The following MAP4K5 variants were observed in gnomAD, a reference collection of about 807,000 sequenced individuals.
MAP4K5 encodes mitogen-activated protein kinase kinase kinase kinase 5.
In MAP4K5, 82 loss-of-function variants were observed where a neutral mutation model predicts 135.6. The ratio of observed to expected loss-of-function variants is 0.60; its 90% CI spans 0.51 to 0.73. The LOEUF (loss-of-function observed/expected upper bound fraction) is 0.73, where lower values mean the gene tolerates loss of function less well. MAP4K5 is among the 30% of genes least tolerant of loss of function. The probability of loss-of-function intolerance (pLI) is 0.00; values close to 1 mark genes in which losing one functional copy is unlikely to be tolerated. For synonymous variants in MAP4K5, 347 were observed against 335.0 expected, an observed-to-expected ratio of 1.04 and a Z score of -0.39; for missense variants, 907 against 1,010.9, an observed-to-expected ratio of 0.90 and a Z score of 1.39.
intron 1 of MAP4K5, among the ~76,000 whole-genome samples, chr14:50,553,408 C>T (rs2038726874): frequency 6.6e-6 from 1 of 151,778 alleles, no homozygotes; most frequent in South Asian, 2.1e-4. Flanking sequence ...GAGATACAAC[C>T]TCATTCCTGC....
intron 20 of MAP4K5, 82 bp downstream of exon 20, chr14:50,443,647 C>A: frequency 8.7e-7 from 1 of 1,151,220 alleles, no homozygotes; most frequent in South Asian, 1.9e-5. Context: ...CTTTCAAAGG[C>A]TCAAGTATAT....
chr14:50,424,107 C>T (rs887736755), intron 31 of MAP4K5, among the ~76,000 whole-genome samples: 3 of 150,906 alleles, frequency 2.0e-5, no homozygotes, highest in Non-Finnish European at 4.4e-5. Context: ...TATTTGAGTC[C>T]TTGTCTTAGG....
intron 29 of MAP4K5, 97 bp downstream of exon 29, chr14:50,429,095 A>C: frequency 1.4e-6 from 1 of 725,738 alleles, no homozygotes; most frequent in Non-Finnish European, 2.2e-6. Context: ...TAACATTTTT[A>C]GTAAAAACAG....
intron 2 of MAP4K5, among the ~76,000 whole-genome samples, chr14:50,510,707 G>A (rs979550900): frequency 6.6e-6 from 1 of 152,052 alleles, no homozygotes; most frequent in Non-Finnish European, 1.5e-5. Flanking sequence ...TACTACAAAA[G>A]TAAGATTTTG....
At chr14:50,525,261 G>T (rs1251352461) in intron 2 of MAP4K5, among the ~76,000 whole-genome samples, 2 of 152,098 alleles carry the variant, frequency 1.3e-5, no homozygotes, top group Non-Finnish European at 2.9e-5. Flanking sequence ...CACATATTTG[G>T]TATTTCCTAA....
chr14:50,462,261 C>T (rs1304306619), intron 13 of MAP4K5, among the ~76,000 whole-genome samples: 1 of 152,058 alleles, frequency 6.6e-6, no homozygotes, highest in Non-Finnish European at 1.5e-5. Context: ...ATATATATCC[C>T]ACAGAATGAT....
At chr14:50,468,615 G>A (rs750686591) in intron 10 of MAP4K5, 36 bp downstream of exon 10, 40 of 1,603,122 alleles carry the variant, frequency 2.5e-5, no homozygotes, top group Middle Eastern at 3.3e-4. Context: ...CCATAGACTT[G>A]ATCAATAACT....
chr14:50,486,342 T>C (rs1241177600), intron 3 of MAP4K5, 148 bp from the exon 4 acceptor site: 6 of 480,438 alleles, frequency 1.2e-5, no homozygotes, highest in Admixed American at 4.4e-5. Context: ...AATCTTTCTA[T>C]AAAGTCAGAA....
Position 50,486,203 on chromosome 14 carries a change from C to A in MAP4K5, c.167-9G>T. On this transcript the variant is annotated splice_polypyrimidine_tract_variant and intron_variant, in intron 3 of 32. Transcript: ENST00000682126. ...CAAAGAAAAATCATCTCCTGGAAAA[C>A]AAAATAAGTTGTTTATCATGTTACT... 4 of 940,970 alleles carry A rather than the reference C, an allele frequency of 4.3e-6. No individual in the cohort carries two copies. Among genetic ancestry groups the A allele is most frequent in the East Asian group, 2.9e-5 (1 of 35,038 alleles). The allele number at this position is 940,970 out of a possible 1,614,324, so 58.3% of individuals were successfully genotyped here.
intron 14 of MAP4K5, among the ~76,000 whole-genome samples, chr14:50,454,738 T>C (rs1256086252): frequency 6.6e-6 from 1 of 152,044 alleles, no homozygotes; most frequent in Non-Finnish European, 1.5e-5. Flanking sequence ...GAAGACTGAA[T>C]ATCATAAATA....
Position 50,423,161 on chromosome 14 carries a change from A to C in MAP4K5, c.2413T>G (p.Ser805Ala). 1.3e-6 allele frequency: 2 copies of C among 1,565,784 alleles called. No homozygotes were observed. Among genetic ancestry groups the C allele is most frequent in the Non-Finnish European group, 8.8e-7 (1 of 1,141,082 alleles). The change falls in exon 32 of 33, where the codon TCA becomes GCA. Residue 805 changes from serine (S) to alanine (A), a missense_variant. Transcript: ENST00000682126. ...AAGCGGAAAACTCTTGTTTCATCTG[A>C]AATCTCCTGGGTAACCTAGGAAAGA... ...FKSDEVTQEI[S>A]DETRVFRLLG...
chr14:50,426,000 G>A lies in MAP4K5; in HGVS notation c.2327-23C>T, dbSNP rs759604363. 15 of 1,441,538 alleles carry A rather than the reference G, an allele frequency of 1.0e-5. 1 individual carries two copies. The highest frequency in any genetic ancestry group is 1.7e-4 in the Middle Eastern group (1 of 5,750). 89.3% of individuals were successfully genotyped at this position (1,441,538 alleles called of 1,614,324 possible). A position where few individuals can be genotyped will look rare whatever the true frequency, so the allele number is the denominator to read the frequency against. On this transcript the variant is annotated intron_variant, in intron 30 of 32. Coordinates refer to ENST00000682126, the MANE Select transcript of MAP4K5 (RefSeq NM_006575.6). ...ATACTAAAAATGATAAGGGAGAAGTGAAACTAATATAAAGCACAGAGCATT... is the reference window on the plus strand; with the variant it reads ...ATACTAAAAATGATAAGGGAGAAGTAAAACTAATATAAAGCACAGAGCATT...
intron 5 of MAP4K5, chr14:50,482,763 G>A (rs1440411559): frequency 1.8e-5 from 3 of 169,020 alleles, no homozygotes; most frequent in Admixed American, 1.3e-4. Context: ...GCGGCAGAAC[G>A]AGACTCGGTC....
At chr14:50,451,038 T>A (rs532796188) in intron 14 of MAP4K5, among the ~76,000 whole-genome samples, 50 of 152,176 alleles carry the variant, frequency 3.3e-4, no homozygotes, top group African/African-American at 1.1e-3. Flanking sequence ...AGAGAAAAGA[T>A]AGACACAGTA....
At chr14:50,480,158 GTTTT>G (rs931469113) in intron 6 of MAP4K5, among the ~76,000 whole-genome samples, 1 of 148,502 alleles carries the variant, frequency 6.7e-6, no homozygotes, top group Non-Finnish European at 1.5e-5. Flanking sequence ...CTTCATATTG[GTTTT>G]TTTTTTATTT....
chr14:50,511,872 T>C (rs535651504), intron 2 of MAP4K5, among the ~76,000 whole-genome samples: 1 of 152,228 alleles, frequency 6.6e-6, no homozygotes, highest in African/African-American at 2.4e-5. Context: ...AAAGCAATGG[T>C]TGTCTGGGGT....
chr14:50,527,513 A>G (rs925886447), intron 2 of MAP4K5, among the ~76,000 whole-genome samples: 1 of 152,150 alleles, frequency 6.6e-6, no homozygotes, highest in Non-Finnish European at 1.5e-5. Context: ...ATTCCCAATC[A>G]TAAATTAAAT....
In MAP4K5 at chr14:50,419,829, C is replaced by T. The variant is rs890766866; in HGVS notation, c.*190G>A. The T allele has an allele frequency of 1.9e-6, 1 of 534,920 alleles. No homozygotes were observed. Among genetic ancestry groups the T allele is most frequent in the Non-Finnish European group, 3.3e-6 (1 of 298,776 alleles). 33.1% of individuals were successfully genotyped at this position (534,920 alleles called of 1,614,324 possible). ...AAGCAAACTTGATATAACCACCACACAGTGGCAAGAGATAGACTAGCTGTT... is the reference window on the plus strand; with the variant it reads ...AAGCAAACTTGATATAACCACCACATAGTGGCAAGAGATAGACTAGCTGTT... On this transcript the variant is annotated 3_prime_UTR_variant, in exon 33 of 33. Transcript: ENST00000682126.
intron 26 of MAP4K5, 91 bp from the exon 27 acceptor site, chr14:50,435,156 C>T (rs1277740624): frequency 8.8e-6 from 5 of 565,128 alleles, no homozygotes; most frequent in Non-Finnish European, 1.5e-5. Context: ...CAAGAGTGGG[C>T]AGAAAATAAA....
Sources: allele counts gnomAD v4.1 joint callset (sites outside exome capture counted in the v4.1 genomes callset), GRCh38; gene constraint gnomAD v4.1.1; transcripts MANE v1.5; gene names NCBI Gene and HGNC (gene_info 2026-07-23, HGNC 2026-07-21).